The following CPS1 variants were observed in gnomAD, a reference collection of about 807,000 sequenced individuals.
The protein encoded by CPS1 is carbamoyl-phosphate synthase [ammonia], mitochondrial.
A neutral mutation model predicts 174.6 loss-of-function variants in CPS1; 109 were observed. The observed-to-expected ratio is 0.62, with a 90% CI of 0.53 to 0.73. The LOEUF is 0.73. CPS1 is among the 30% of genes least tolerant of loss of function. The pLI is 0.00. For synonymous variants in CPS1, 637 were observed against 632.0 expected, an observed-to-expected ratio of 1.01 and a Z score of -0.12; for missense variants, 1,689 against 1,821.9, an observed-to-expected ratio of 0.93 and a Z score of 1.33.
chr2:210,677,217 A>G, intron 37 of CPS1, 81 bp downstream of exon 37: 1 of 1,339,144 alleles, frequency 7.5e-7, no homozygotes, highest in Non-Finnish European at 1.1e-6. Context: ...GTAGATGCAC[A>G]TCTCTCTTTT....
In CPS1 at chr2:210,651,943, A is replaced by T. The variant is rs533707842; in HGVS notation, c.3480+1505A>T. 7.6e-4 allele frequency among the ~76,000 whole-genome samples: 115 copies of T among 152,234 alleles called. 1 individual carries two copies. Among genetic ancestry groups the T allele is most frequent in the Non-Finnish European group, 1.4e-3 (97 of 68,044 alleles). ...ATAGGACTTCTTTTTGCTAGGCTCA[A>T]CAGACTTCAAATAATTACAATTAAA... On this transcript the variant is annotated intron_variant, in intron 28 of 37. Coordinates refer to ENST00000233072, the MANE Select transcript of CPS1 (RefSeq NM_001875.5).
At position 210,530,867 on chromosome 2, in the gene CPS1, G is replaced by T. The variant is rs574992639; in HGVS notation, c.4-25852G>T. Among the ~76,000 whole-genome samples the T allele has an allele frequency of 4.0e-5, 6 of 151,816 alleles. No homozygotes were observed. The South Asian group carries it at 8.3e-4, about 21-fold the overall frequency. On this transcript the variant is annotated intron_variant, in intron 1 of 38. Transcript: ENST00000430249. ...TAGCAATTTAGATCTGGCAGATCTA[G>T]TGTGGCCCAAGAATATGCATTTCTA...
At chr2:210,538,028 A>C (rs1020881821) in intron 1 of CPS1, among the ~76,000 whole-genome samples, 5 of 152,170 alleles carry the variant, frequency 3.3e-5, no homozygotes, top group Admixed American at 3.3e-4. Context: ...TTATCTTCCC[A>C]AAAAATATGG....
At chr2:210,664,691 G>A (rs1045992329) in intron 33 of CPS1, among the ~76,000 whole-genome samples, 1 of 152,120 alleles carries the variant, frequency 6.6e-6, no homozygotes, top group Non-Finnish European at 1.5e-5. Context: ...TGTTATGGGA[G>A]TTATTGAAAT....
chr2:210,478,919 C>G (rs1574453252), intron 1 of CPS1, among the ~76,000 whole-genome samples: 1 of 40,654 alleles, frequency 2.5e-5, no homozygotes, highest in Non-Finnish European at 7.4e-5. Context: ...CTCCTCCCCC[C>G]TCCCCCCTTC....
chr2:210,525,489 GGT>G lies in CPS1; in HGVS notation c.4-31229_4-31228del, dbSNP rs1386393697. On this transcript the variant is annotated intron_variant, in intron 1 of 38. Coordinates refer to the CPS1 transcript ENST00000430249. ...TTTATTAAATTTTTCATGTCTTCCAGGTCCTGCATGAGGCTTTGAAATTATAA... is the reference window on the plus strand; with the variant it reads ...TTTATTAAATTTTTCATGTCTTCCAGCCTGCATGAGGCTTTGAAATTATAA... Among the ~76,000 whole-genome samples, 64 of 151,794 alleles carry G rather than the reference GGT, an allele frequency of 4.2e-4. No homozygotes were observed. The East Asian group carries it at 0.012, about 29-fold the overall frequency.
intron 1 of CPS1, among the ~76,000 whole-genome samples, chr2:210,534,608 A>G (rs1234928682): frequency 2.6e-5 from 4 of 152,238 alleles, no homozygotes; most frequent in Non-Finnish European, 5.9e-5. Flanking sequence ...ATGGAAATAT[A>G]TAATTGATGA....
chr2:210,547,046 G>T lies in CPS1; in HGVS notation c.4-9673G>T, dbSNP rs910613362. On this transcript the variant is annotated intron_variant, in intron 1 of 38. Transcript: ENST00000430249. ...CTGGTCCCTGCCAGGAGTCAGGATG[G>T]ACTTTCAGTGTTGAAGAGCCATCTT... 2.6e-5 allele frequency among the ~76,000 whole-genome samples: 4 copies of T among 152,142 alleles called. No individual in the cohort carries two copies. The South Asian group carries it at 8.3e-4, about 32-fold the overall frequency.
intron 1 of CPS1, among the ~76,000 whole-genome samples, chr2:210,527,168 C>T (rs1420055221): frequency 2.0e-5 from 3 of 151,602 alleles, no homozygotes; most frequent in South Asian, 4.2e-4. Context: ...CCACATATTT[C>T]TCTATGTTCA....
At position 210,573,342 on chromosome 2, in the gene CPS1, A is replaced by T. The variant is rs1697580152; in HGVS notation, c.171A>T (p.Lys57Asn). ...TCCTGGAAGATGGAACTAAGATGAA[A>T]GGTTACTCCTTTGGCCATCCATCCT... The part of the protein sequence containing the change: ...HIVLEDGTKM[K>N]GYSFGHPSSV... Residue 57 changes from lysine to asparagine, a missense_variant, in exon 2 of 38, where the codon AAA (lysine) becomes AAT (asparagine). By Grantham distance (94) the Lys-to-Asn change is moderately conservative. Coordinates refer to ENST00000233072, the MANE Select transcript of CPS1 (RefSeq NM_001875.5). 2 of 1,613,150 alleles carry T rather than the reference A, an allele frequency of 1.2e-6. No homozygotes were observed. Among genetic ancestry groups the T allele is most frequent in the South Asian group, 1.1e-5 (1 of 91,080 alleles).
chr2:210,537,786 C>T (rs994616221), intron 1 of CPS1, among the ~76,000 whole-genome samples: 10 of 152,026 alleles, frequency 6.6e-5, no homozygotes, highest in African/African-American at 1.7e-4. Flanking sequence ...CGCAGAGGCT[C>T]GAGTAATTTG....
intron 13 of CPS1, among the ~76,000 whole-genome samples, chr2:210,596,754 A>T (rs1305722569): frequency 2.0e-5 from 3 of 151,908 alleles, no homozygotes; most frequent in Admixed American, 6.6e-5. Context: ...AATACATTTA[A>T]CTGTATACAG....
intron 1 of CPS1, among the ~76,000 whole-genome samples, chr2:210,539,642 G>C (rs1363297709): frequency 6.6e-6 from 1 of 152,152 alleles, no homozygotes; most frequent in Non-Finnish European, 1.5e-5. Flanking sequence ...CAGAAGGAAA[G>C]GGTAATCAGA....
Position 210,610,043 on chromosome 2 carries a change from T to G in CPS1, c.2391+1484T>G, listed in dbSNP as rs976639402. ...CTAGTTGTAAAACACTAAATATTAGTTTTTTCTCCATTATAGTTGTTTTAA... is the reference window on the plus strand; with the variant it reads ...CTAGTTGTAAAACACTAAATATTAGGTTTTTCTCCATTATAGTTGTTTTAA... On this transcript the variant is annotated intron_variant, in intron 19 of 37. Coordinates refer to ENST00000233072, the MANE Select transcript of CPS1 (RefSeq NM_001875.5). 3.4e-4 allele frequency among the ~76,000 whole-genome samples: 51 copies of G among 152,078 alleles called. 1 individual carries two copies. The highest frequency in any genetic ancestry group is 1.3e-4 in the Non-Finnish European group (9 of 67,922).
intron 1 of CPS1, among the ~76,000 whole-genome samples, chr2:210,541,515 A>G (rs1276375374): frequency 8.5e-5 from 13 of 152,166 alleles, no homozygotes; most frequent in Middle Eastern, 3.4e-3. Context: ...GAACAAACAC[A>G]TTTTGCAAGG....
rs778512579 is a variant in CPS1 at position 210,658,674 on chromosome 2, G to A, written c.3742G>A (p.Gly1248Arg). The A allele has an allele frequency of 4.3e-6, 7 of 1,613,610 alleles. No homozygotes were observed. The South Asian group carries it at 6.6e-5, about 15-fold the overall frequency. Residue 1248 changes from glycine (G) to arginine (R), a missense_variant, in exon 31 of 38, where the codon GGA becomes AGA. Coordinates refer to ENST00000233072, the MANE Select transcript of CPS1 (RefSeq NM_001875.5). ...GPFNVQFLVK[G>R]NDVLVIECNL... ...ATTCAACGTCCAATTTCTTGTCAAA[G>A]GAAATGATGTCTTGGTAAGAAATGC... is the stretch of plus-strand genomic sequence containing the variant.
upstream of CPS1, among the ~76,000 whole-genome samples, chr2:210,552,778 C>T (rs751391866): frequency 2.0e-5 from 3 of 151,446 alleles, no homozygotes; most frequent in Non-Finnish European, 4.4e-5. Flanking sequence ...AAGACATTTT[C>T]GTAATGATTA....
At chr2:210,577,070 T>G (rs1013033071) in intron 3 of CPS1, 4 of 298,230 alleles carry the variant, frequency 1.3e-5, no homozygotes, top group African/African-American at 8.8e-5. Flanking sequence ...TTCCCATCAA[T>G]TTTTTCTCTG....
intron 1 of CPS1, among the ~76,000 whole-genome samples, chr2:210,496,452 C>T (rs1249822908): frequency 1.3e-5 from 2 of 152,124 alleles, no homozygotes; most frequent in Non-Finnish European, 2.9e-5. Flanking sequence ...TAGGAATTAA[C>T]TTAAGCAAAT....
Sources: allele counts gnomAD v4.1 joint callset (sites outside exome capture counted in the v4.1 genomes callset), GRCh38; gene constraint gnomAD v4.1.1; transcripts MANE v1.5; gene names NCBI Gene and HGNC (gene_info 2026-07-23, HGNC 2026-07-21).